MIB1: variants seen among roughly 807,000 people sequenced by gnomAD.
MIB1 encodes E3 ubiquitin-protein ligase MIB1.
In MIB1, 278 loss-of-function variants were observed where a neutral mutation model predicts 124.5. The ratio of observed to expected loss-of-function variants is 2.23; its 90% confidence interval spans 2.02 to 2.47. MIB1 has a LOEUF of 2.47. Among genes scored for constraint, MIB1 ranks in the 30% most tolerant of loss-of-function variants. The pLI is 0.00. For synonymous variants in MIB1, 446 were observed against 429.4 expected (o/e 1.04, Z -0.48); for missense variants, 957 against 1,254.4 (o/e 0.76, Z 3.58).
intron 1 of MIB1, among the ~76,000 whole-genome samples, chr18:21,743,649 C>T (rs2040881117): frequency 6.6e-6 from 1 of 151,494 alleles, no homozygotes; most frequent in Non-Finnish European, 1.5e-5. Flanking sequence ...TTTTTTGAGA[C>T]AGGGTTTTGT....
At chr18:21,863,720 G>C (rs1479679661) in intron 20 of MIB1, among the ~76,000 whole-genome samples, 2 of 151,978 alleles carry the variant, frequency 1.3e-5, no homozygotes, top group Non-Finnish European at 2.9e-5. Flanking sequence ...GAAAGAACCA[G>C]TTGGGCTGGG....
Position 21,864,978 on chromosome 18 carries a change from G to A in MIB1, c.*312G>A, listed in dbSNP as rs1218816884. ...AAATTGCATTTTTCTCTTATAATTT[G>A]TAAATTTGTTGGATCTCAAAAGACA... On this transcript the variant is annotated 3_prime_UTR_variant, in exon 21 of 21. Transcript: ENST00000261537. The A allele has an allele frequency of 5.3e-6, 1 of 187,132 alleles. No individual in the cohort carries two copies. The highest frequency in any genetic ancestry group is 1.1e-5 in the Non-Finnish European group (1 of 91,522). The allele number at this position is 187,132 out of a possible 1,614,324, so 11.6% of individuals were successfully genotyped here.
At chr18:21,795,414 A>C (rs1338987355) in intron 7 of MIB1, among the ~76,000 whole-genome samples, 1 of 146,308 alleles carries the variant, frequency 6.8e-6, no homozygotes, top group Non-Finnish European at 1.5e-5. Flanking sequence ...ACACATATAT[A>C]TAATATATAA....
chr18:21,798,050 G>T, intron 7 of MIB1, 34 bp from the exon 8 acceptor site: 1 of 1,608,108 alleles, frequency 6.2e-7, no homozygotes, highest in Non-Finnish European at 8.5e-7. Flanking sequence ...ATATACTTTA[G>T]ACTTGGAAAC....
intron 1 of MIB1, among the ~76,000 whole-genome samples, chr18:21,711,483 A>C (rs2040665330): frequency 6.6e-6 from 1 of 151,680 alleles, no homozygotes; most frequent in Non-Finnish European, 1.5e-5. Flanking sequence ...GAGTTTCACC[A>C]TATTGGCCAG....
chr18:21,844,298 T>C (rs2042117165), intron 15 of MIB1, 45 bp downstream of exon 15: 1 of 1,577,038 alleles, frequency 6.3e-7, no homozygotes, highest in East Asian at 2.3e-5. Flanking sequence ...GAAGAATCTT[T>C]TCATGCAAGA....
intron 1 of MIB1, among the ~76,000 whole-genome samples, chr18:21,743,674 C>T (rs1598587686): frequency 1.3e-5 from 2 of 152,116 alleles, no homozygotes; most frequent in South Asian, 4.2e-4. Context: ...TTACCTGCAG[C>T]CTTGAAGTTT....
At chr18:21,813,865 G>A (rs2041800969) in intron 10 of MIB1, among the ~76,000 whole-genome samples, 1 of 152,128 alleles carries the variant, frequency 6.6e-6, no homozygotes, top group Admixed American at 6.5e-5. Flanking sequence ...GATGGAGGAA[G>A]TCTTAGAGTA....
At position 21,811,226 on chromosome 18, in the gene MIB1, CAGTG is replaced by C. The variant is rs542096217; in HGVS notation, c.1480-4387_1480-4384del. Among the ~76,000 whole-genome samples, 456 of 152,162 alleles carry C rather than the reference CAGTG, an allele frequency of 3.0e-3. 2 individuals are homozygous for C. The highest frequency in any genetic ancestry group is 0.01 in the African/African-American group (431 of 41,524). Reference sequence around the variant, plus strand: ...ATCAAAACAACCAGAAAAAACCTGTCAGTGAGGATGTGGAGTAATTAGAACTCTT... The same window carrying C: ...ATCAAAACAACCAGAAAAAACCTGTCAGGATGTGGAGTAATTAGAACTCTT... On this transcript the variant is annotated intron_variant, in intron 10 of 20. Coordinates refer to ENST00000261537, the MANE Select transcript of MIB1 (RefSeq NM_020774.4).
At chr18:21,864,486 TAA>T in intron 20 of MIB1, 38 bp from the exon 21 acceptor site, 1 of 1,489,984 alleles carries the variant, frequency 6.7e-7, no homozygotes, top group East Asian at 2.3e-5. Flanking sequence ...TTTCCAAATA[TAA>T]AGTGTCTAAT....
intron 1 of MIB1, among the ~76,000 whole-genome samples, chr18:21,734,525 CTCTTTCTCTCTTTCTT>C (rs2040787113): frequency 6.7e-6 from 1 of 148,790 alleles, no homozygotes; most frequent in African/African-American, 2.5e-5. Context: ...GTCTCTCTTT[CTCTTTCTCTCTTTCTT>C]TCTTTCTCAC....
At chr18:21,721,064 GTCTT>G in intron 1 of MIB1, among the ~76,000 whole-genome samples, 1 of 142,982 alleles carries the variant, frequency 7.0e-6, no homozygotes, top group African/African-American at 2.6e-5. Flanking sequence ...CATTGTACTA[GTCTT>G]TCTAAATTTG....
chr18:21,789,173 T>G (rs2041472692), intron 6 of MIB1, among the ~76,000 whole-genome samples: 1 of 152,186 alleles, frequency 6.6e-6, no homozygotes, highest in Non-Finnish European at 1.5e-5. Context: ...AGGGAGAATC[T>G]GTTGTATGCC....
rs1375842356 is a variant in MIB1, at chr18:21,773,036, C to T, written c.532-588C>T. Reference sequence around the variant, plus strand: ...ATCCCAGCACTTTGGGAGGCCTAGACGGGCAGATCACCTGAGGTCAGGAGT... The same window carrying T: ...ATCCCAGCACTTTGGGAGGCCTAGATGGGCAGATCACCTGAGGTCAGGAGT... On this transcript the variant is annotated intron_variant, in intron 3 of 20. Coordinates refer to ENST00000261537, the MANE Select transcript of MIB1 (RefSeq NM_020774.4). Among the ~76,000 whole-genome samples, 6 of 152,050 alleles carry T rather than the reference C, an allele frequency of 3.9e-5. 1 individual carries two copies. The South Asian group carries it at 6.2e-4, about 16-fold the overall frequency.
intron 8 of MIB1, 106 bp from the exon 9 acceptor site, chr18:21,799,735 A>G: frequency 9.0e-7 from 1 of 1,112,950 alleles, no homozygotes; most frequent in Non-Finnish European, 1.2e-6. Flanking sequence ...TAATGATGGA[A>G]AGAATAAAAT....
In MIB1 at chr18:21,721,167, T is replaced by G. The variant is rs1184233352; in HGVS notation, n.167+16044T>G. 9.8e-5 allele frequency among the ~76,000 whole-genome samples: 9 copies of G among 92,106 alleles called. No individual in the cohort carries two copies. In the South Asian group the frequency reaches 1.3e-3, roughly 13 times the overall value. The allele number at this position is 92,106 out of a possible 152,430, so 60.4% of individuals were successfully genotyped here. A position where few individuals can be genotyped will look rare whatever the true frequency, so the allele number is the denominator to read the frequency against. ...TTAAACATTTTAAAGAAGTTTTTTTTTTTTTTTTTTTTTTTTTTTTTTTTT... is the reference window on the plus strand; with the variant it reads ...TTAAACATTTTAAAGAAGTTTTTTTGTTTTTTTTTTTTTTTTTTTTTTTTT... On this transcript the variant is annotated intron_variant and non_coding_transcript_variant, in intron 1 of 20. Transcript: ENST00000578646.
chr18:21,761,723 ATGTC>A (rs1360734994), intron 1 of MIB1, among the ~76,000 whole-genome samples: 1 of 152,278 alleles, frequency 6.6e-6, no homozygotes, highest in East Asian at 1.9e-4. Context: ...TTGTCTGTCC[ATGTC>A]TGTCTGTCTG....
chr18:21,779,480 G>A lies in MIB1; in HGVS notation c.704-1G>A. ...TTATTCAATTGCCTCTGAAATTACAGGTGAGCAGAATGGCAACAGGAATCC... is the reference window on the plus strand; with the variant it reads ...TTATTCAATTGCCTCTGAAATTACAAGTGAGCAGAATGGCAACAGGAATCC... On this transcript the variant is annotated splice_acceptor_variant, in intron 5 of 20. Transcript: ENST00000261537. LOFTEE classifies it high-confidence loss of function. 6.2e-7 allele frequency: 1 copy of A among 1,613,716 alleles called. No homozygotes were observed. The highest frequency in any genetic ancestry group is 8.5e-7 in the Non-Finnish European group (1 of 1,179,650).
chr18:21,862,718 T>G (rs1054008295), intron 20 of MIB1, among the ~76,000 whole-genome samples: 2 of 152,150 alleles, frequency 1.3e-5, no homozygotes, highest in African/African-American at 4.8e-5. Context: ...AGGAAGGTTT[T>G]CAATCCCGCT....
Sources: gnomAD v4.1 joint callset for allele counts (sites outside exome capture counted in the v4.1 genomes callset) on GRCh38, gnomAD v4.1.1 for gene constraint, MANE v1.5 for transcripts, NCBI Gene and HGNC (gene_info 2026-07-23, HGNC 2026-07-21) for gene names.